Variants in SNAP29 observed in about 807,000 individuals in gnomAD.
SNAP29 encodes the protein synaptosomal-associated protein 29.
A neutral mutation model predicts 27.9 loss-of-function variants in SNAP29; 13 were observed. The ratio of observed to expected loss-of-function variants is 0.47; its 90% CI spans 0.30 to 0.74. The LOEUF (loss-of-function observed/expected upper bound fraction) is 0.74, where lower values mean the gene tolerates loss of function less well. Among genes scored for constraint, SNAP29 ranks in the 30% least tolerant of loss-of-function variants. The pLI is 0.06. For synonymous variants in SNAP29, 119 were observed against 127.1 expected (o/e 0.94, Z 0.43); for missense variants, 368 against 336.5 (o/e 1.09, Z -0.73).
rs749402571 is a variant in SNAP29 at position 20,883,512 on chromosome 22, G to A, written c.562G>A (p.Ala188Thr). ...RGAGSAMSTD[A>T]YPKNPHLRAY... ...GGCTGGTTCTGCCATGAGTACTGATGCTTACCCAAAGAACCCACACCTTCG... is the reference window on the plus strand; with the variant it reads ...GGCTGGTTCTGCCATGAGTACTGATACTTACCCAAAGAACCCACACCTTCG... Residue 188 changes from alanine to threonine, a missense_variant, in exon 4 of 5, where the codon GCT (alanine) becomes ACT (threonine). Ala to Thr is a moderately conservative substitution (Grantham distance 58, BLOSUM62 0). Coordinates refer to ENST00000215730, the MANE Select transcript of SNAP29 (RefSeq NM_004782.4). 3 of 1,613,782 alleles carry A rather than the reference G, an allele frequency of 1.9e-6. No homozygotes were observed.
intron 1 of SNAP29, chr22:20,859,586 T>A (rs1389409562): frequency 8.2e-6 from 4 of 490,684 alleles, no homozygotes; most frequent in Admixed American, 3.8e-5. Flanking sequence ...GCTTCGTTGA[T>A]TTTTTTTTTC....
intron 1 of SNAP29, 86 bp from the exon 2 acceptor site, chr22:20,870,251 A>G: frequency 8.2e-7 from 1 of 1,215,374 alleles, no homozygotes; most frequent in Non-Finnish European, 1.2e-6. Flanking sequence ...CTGAGAGTTT[A>G]TGAAGGGGCT....
intron 3 of SNAP29, among the ~76,000 whole-genome samples, chr22:20,882,998 C>CTT (rs71731122): frequency 1.4e-3 from 192 of 136,110 alleles, no homozygotes; most frequent in South Asian, 7.9e-3. Flanking sequence ...TTTAACATTT[C>CTT]TTTTTTTTTT....
chr22:20,881,650 T>A (rs531577287), intron 3 of SNAP29, among the ~76,000 whole-genome samples: 1 of 152,316 alleles, frequency 6.6e-6, no homozygotes, highest in Non-Finnish European at 1.5e-5. Context: ...GAGGTTGCAG[T>A]GAGCTGAGAT....
intron 1 of SNAP29, among the ~76,000 whole-genome samples, chr22:20,867,339 G>A (rs1049749946): frequency 3.3e-5 from 5 of 152,044 alleles, no homozygotes; most frequent in Non-Finnish European, 4.4e-5. Flanking sequence ...CTGCGGAGGG[G>A]GGTGTGGACC....
At chr22:20,883,720 G>A (rs1928946606) in intron 4 of SNAP29, 151 bp downstream of exon 4, 2 of 703,394 alleles carry the variant, frequency 2.8e-6, no homozygotes, top group Non-Finnish European at 2.6e-6. Flanking sequence ...CCACCTCACT[G>A]TCTCTGGAAT....
chr22:20,861,247 A>G (rs2147858802), intron 1 of SNAP29, among the ~76,000 whole-genome samples: 1 of 151,250 alleles, frequency 6.6e-6, no homozygotes, highest in East Asian at 2.0e-4. Flanking sequence ...CCTCCTGAGT[A>G]GCTGGGACTA....
Position 20,887,961 on chromosome 22 carries a change from G to A in SNAP29, c.*125G>A, listed in dbSNP as rs1165109785. 6 of 970,456 alleles carry A rather than the reference G, an allele frequency of 6.2e-6. No homozygotes were observed. In the African/African-American group the frequency reaches 6.5e-5, roughly 10 times the overall value. 60.1% of individuals were successfully genotyped at this position (970,456 alleles called of 1,614,324 possible). A position where few individuals can be genotyped will look rare whatever the true frequency, so the allele number is the denominator to read the frequency against. On this transcript the variant is annotated 3_prime_UTR_variant, in exon 5 of 5. Coordinates refer to ENST00000215730, the MANE Select transcript of SNAP29 (RefSeq NM_004782.4). ...GTGTGTTTGCAAATGTTATAATAGAGTAGGTCTTAAGACATTTTTGCTGTT... is the reference window on the plus strand; with the variant it reads ...GTGTGTTTGCAAATGTTATAATAGAATAGGTCTTAAGACATTTTTGCTGTT...
In SNAP29 at chr22:20,891,208, AT is replaced by A. The variant is rs1929146813; in HGVS notation, c.*3375del. ...TTGCAAGAAATAAAAATGTCAGTGC[AT>A]TTAAATTTCTCTTTAACCTCTTTTT... On this transcript the variant is annotated 3_prime_UTR_variant, in exon 5 of 5. Transcript: ENST00000215730. The A allele has an allele frequency of 6.6e-6, 1 of 152,050 alleles. No individual in the cohort carries two copies. The highest frequency in any genetic ancestry group is 1.5e-5 in the Non-Finnish European group (1 of 68,042). The allele number at this position is 152,050 out of a possible 1,614,324, so 9.4% of individuals were successfully genotyped here. A position where few individuals can be genotyped will look rare whatever the true frequency, so the allele number is the denominator to read the frequency against.
At chr22:20,877,632 C>G (rs1032290179) in intron 2 of SNAP29, among the ~76,000 whole-genome samples, 3 of 152,142 alleles carry the variant, frequency 2.0e-5, no homozygotes, top group African/African-American at 7.2e-5. Flanking sequence ...AGGAGAATCT[C>G]TTGAACCAGG....
intron 1 of SNAP29, 194 bp downstream of exon 1, chr22:20,859,541 A>G: frequency 1.7e-6 from 1 of 601,962 alleles, no homozygotes; most frequent in Non-Finnish European, 3.0e-6. Context: ...TGAAGAGGGC[A>G]GTTTACCCCA....
intron 3 of SNAP29, 111 bp downstream of exon 3, chr22:20,881,245 G>A (rs990540750): frequency 1.0e-5 from 8 of 767,814 alleles, no homozygotes; most frequent in Non-Finnish European, 1.8e-5. Context: ...GTGGGCAGGG[G>A]CCCCAGCTGC....
intron 1 of SNAP29, among the ~76,000 whole-genome samples, chr22:20,863,003 A>G (rs1224353570): frequency 6.6e-6 from 1 of 152,082 alleles, no homozygotes; most frequent in Non-Finnish European, 1.5e-5. Flanking sequence ...TCCTCCTGCC[A>G]CAGCCTCCCA....
intron 3 of SNAP29, among the ~76,000 whole-genome samples, chr22:20,882,892 G>T (rs16988887): frequency 6.6e-6 from 1 of 152,004 alleles, no homozygotes; most frequent in Non-Finnish European, 1.5e-5. Flanking sequence ...TTCCGTGTGC[G>T]TTTAGAAACT....
chr22:20,874,223 T>C (rs1157070153), intron 2 of SNAP29, among the ~76,000 whole-genome samples: 2 of 143,672 alleles, frequency 1.4e-5, no homozygotes, highest in Admixed American at 7.0e-5. Context: ...TACAGTGAGC[T>C]GAGATCACGC....
At chr22:20,885,025 T>G (rs1432340368) in intron 4 of SNAP29, among the ~76,000 whole-genome samples, 2 of 152,194 alleles carry the variant, frequency 1.3e-5, no homozygotes, top group African/African-American at 2.4e-5. Flanking sequence ...CCCGCCTGTC[T>G]CGGCCTCCCA....
chr22:20,859,030 G>T lies in SNAP29; in HGVS notation c.-81G>T. On this transcript the variant is annotated 5_prime_UTR_variant, in exon 1 of 5. Coordinates refer to ENST00000215730, the MANE Select transcript of SNAP29 (RefSeq NM_004782.4). ...GAGTTCGCGCGACGACCGCGGGGTCGGCGGGCGGGGCGAGGCCCTGGACGG... is the reference window on the plus strand; with the variant it reads ...GAGTTCGCGCGACGACCGCGGGGTCTGCGGGCGGGGCGAGGCCCTGGACGG... 3.6e-6 allele frequency: 5 copies of T among 1,384,768 alleles called. No homozygotes were observed. Among genetic ancestry groups the T allele is most frequent in the Non-Finnish European group, 4.9e-6 (5 of 1,011,194 alleles). The allele number at this position is 1,384,768 out of a possible 1,614,324, so 85.8% of individuals were successfully genotyped here. A position where few individuals can be genotyped will look rare whatever the true frequency, so the allele number is the denominator to read the frequency against.
In SNAP29 at chr22:20,859,020, C is replaced by G. The variant is rs1379957155; in HGVS notation, c.-91C>G. On this transcript the variant is annotated 5_prime_UTR_variant, in exon 1 of 5. Transcript: ENST00000215730. Reference sequence around the variant, plus strand: ...CGCGCGGAAGGAGTTCGCGCGACGACCGCGGGGTCGGCGGGCGGGGCGAGG... The same window carrying G: ...CGCGCGGAAGGAGTTCGCGCGACGAGCGCGGGGTCGGCGGGCGGGGCGAGG... The G allele has an allele frequency of 4.3e-6, 6 of 1,384,844 alleles. No homozygotes were observed. The East Asian group carries it at 1.0e-4, about 23-fold the overall frequency. The allele number at this position is 1,384,844 out of a possible 1,614,324, so 85.8% of individuals were successfully genotyped here. A position where few individuals can be genotyped will look rare whatever the true frequency, so the allele number is the denominator to read the frequency against.
Position 20,889,619 on chromosome 22 carries a change from A to C in SNAP29, c.*1783A>C, listed in dbSNP as rs1013458921. The C allele has an allele frequency of 2.6e-5, 4 of 152,240 alleles. No homozygotes were observed. The highest frequency in any genetic ancestry group is 5.9e-5 in the Non-Finnish European group (4 of 68,042). 9.4% of individuals were successfully genotyped at this position (152,240 alleles called of 1,614,324 possible). On this transcript the variant is annotated 3_prime_UTR_variant, in exon 5 of 5. Coordinates refer to ENST00000215730, the MANE Select transcript of SNAP29 (RefSeq NM_004782.4). ...TTCAGCAAAAAGGCTGCTTAAAAGC[A>C]TGAACCCGGGATGCAGAGCAGCTTT... is the stretch of plus-strand genomic sequence containing the variant.
Sources: gnomAD v4.1 joint callset for allele counts (sites outside exome capture counted in the v4.1 genomes callset) on GRCh38, gnomAD v4.1.1 for gene constraint, MANE v1.5 for transcripts, NCBI Gene and HGNC (gene_info 2026-07-23, HGNC 2026-07-21) for gene names.